Variants in ENTREP2 observed in about 807,000 individuals in gnomAD.
ENTREP2 encodes the protein protein ENTREP2.
chr15:29,573,660 T>C, the ENTREP2 span, among the ~76,000 whole-genome samples: 8 of 147,202 alleles, frequency 5.4e-5, no homozygotes, highest in Admixed American at 5.4e-4. Context: ...TCTCTCTCCC[T>C]CTCTCTCTCT....
chr15:29,389,854 C>T, the ENTREP2 span, among the ~76,000 whole-genome samples: 3 of 152,032 alleles, frequency 2.0e-5, no homozygotes, highest in East Asian at 1.9e-4. Context: ...TTTTTCAAAA[C>T]ATCTGCTTTC....
At chr15:29,301,440 CT>C in the ENTREP2 span, among the ~76,000 whole-genome samples, 9 of 152,248 alleles carry the variant, frequency 5.9e-5, no homozygotes, top group South Asian at 1.5e-3. Flanking sequence ...GCACTTTGTT[CT>C]CTACACCGTC....
the ENTREP2 span, among the ~76,000 whole-genome samples, chr15:29,289,888 C>T: frequency 4.1e-4 from 62 of 152,110 alleles, no homozygotes; most frequent in Non-Finnish European, 7.8e-4. Context: ...TTCACAGCAG[C>T]ATTATTTGTA....
chr15:29,253,445 T>A, the ENTREP2 span, among the ~76,000 whole-genome samples: 272 of 92,954 alleles, frequency 2.9e-3, 3 homozygotes, highest in Non-Finnish European at 6.3e-3. Flanking sequence ...AAATATTGTC[T>A]CTCTCTCTTT....
chr15:29,176,279 G>C, the ENTREP2 span, among the ~76,000 whole-genome samples: 1 of 152,170 alleles, frequency 6.6e-6, no homozygotes. Flanking sequence ...TAGGGGATGA[G>C]TGGTGGGGGG....
chr15:29,268,616 G>A, the ENTREP2 span: 3 of 531,254 alleles, frequency 5.6e-6, no homozygotes, highest in Non-Finnish European at 9.4e-6. Context: ...TGAAAATCTG[G>A]AGCAAAATAA....
chr15:29,402,251 A>AATATAT, the ENTREP2 span, among the ~76,000 whole-genome samples: 6 of 111,908 alleles, frequency 5.4e-5, 1 homozygote, highest in South Asian at 6.0e-4. Flanking sequence ...ATTATAGAAG[A>AATATAT]ATATATATAT....
the ENTREP2 span, among the ~76,000 whole-genome samples, chr15:29,195,531 AT>A: frequency 2.0e-5 from 3 of 151,688 alleles, no homozygotes; most frequent in Non-Finnish European, 2.9e-5. Context: ...TTATTTATCC[AT>A]TTTTTTCTTT....
At chr15:29,397,451 G>A in the ENTREP2 span, among the ~76,000 whole-genome samples, 1 of 152,102 alleles carries the variant, frequency 6.6e-6, no homozygotes, top group African/African-American at 2.4e-5. Context: ...TCAATAAAAT[G>A]CAAAGTGGAA....
At chr15:29,460,894 T>C in the ENTREP2 span, among the ~76,000 whole-genome samples, 1 of 152,326 alleles carries the variant, frequency 6.6e-6, no homozygotes, top group East Asian at 1.9e-4. Flanking sequence ...GTCAATTTTC[T>C]ACGAACTCTA....
the ENTREP2 span, among the ~76,000 whole-genome samples, chr15:29,284,390 C>G: frequency 6.6e-6 from 1 of 151,884 alleles, no homozygotes; most frequent in South Asian, 2.1e-4. Context: ...AAACCCATCT[C>G]TACTAAAAAT....
the ENTREP2 span, among the ~76,000 whole-genome samples, chr15:29,442,196 A>G: frequency 6.6e-6 from 1 of 152,212 alleles, no homozygotes; most frequent in East Asian, 1.9e-4. Flanking sequence ...AGCACCAGGA[A>G]CAGAGTATGT....
the ENTREP2 span, chr15:29,122,123 G>T: frequency 6.6e-6 from 1 of 152,258 alleles, no homozygotes; most frequent in Admixed American, 6.5e-5. Flanking sequence ...CGCAGCTCAG[G>T]GGCTGTGGCT....
At chr15:29,458,286 T>TA in the ENTREP2 span, among the ~76,000 whole-genome samples, 3 of 152,104 alleles carry the variant, frequency 2.0e-5, no homozygotes, top group African/African-American at 7.2e-5. Context: ...CCTCCACAGA[T>TA]TGGAGGATGC....
the ENTREP2 span, among the ~76,000 whole-genome samples, chr15:29,253,038 A>C: frequency 1.3e-5 from 2 of 152,244 alleles, no homozygotes; most frequent in Non-Finnish European, 2.9e-5. Flanking sequence ...TTACCCTTAA[A>C]TCTTTCTAAA....
At chr15:29,221,986 T>C in the ENTREP2 span, among the ~76,000 whole-genome samples, 1 of 152,182 alleles carries the variant, frequency 6.6e-6, no homozygotes, top group Non-Finnish European at 1.5e-5. Flanking sequence ...ACTTGTAACA[T>C]TTCAGTGTGT....
the ENTREP2 span, among the ~76,000 whole-genome samples, chr15:29,199,888 C>T: frequency 6.6e-6 from 1 of 152,148 alleles, no homozygotes; most frequent in African/African-American, 2.4e-5. Context: ...TTTTCAGTCA[C>T]TTTTAGTGAA....
chr15:29,356,360 G>A, the ENTREP2 span, among the ~76,000 whole-genome samples: 1 of 131,596 alleles, frequency 7.6e-6, no homozygotes. Context: ...AGGCTGGAGT[G>A]CAGTGGCGTG....
the ENTREP2 span, among the ~76,000 whole-genome samples, chr15:29,292,815 G>C: frequency 6.6e-6 from 1 of 152,148 alleles, no homozygotes; most frequent in Non-Finnish European, 1.5e-5. Context: ...GCTAGAGAGA[G>C]GATAAATCCA....
Sources: gnomAD v4.1 joint callset for allele counts (sites outside exome capture counted in the v4.1 genomes callset) on GRCh38, gnomAD v4.1.1 for gene constraint, MANE v1.5 for transcripts, NCBI Gene and HGNC (gene_info 2026-07-23, HGNC 2026-07-21) for gene names.